The following AQP7 variants were observed in gnomAD, a reference collection of about 807,000 sequenced individuals.
AQP7 encodes the protein aquaporin-7.
AQP7 carries 22 observed loss-of-function variants against 26.1 expected under a neutral mutation model. That is an observed-to-expected ratio of 0.84 (90% confidence interval 0.60 to 1.20). The LOEUF (loss-of-function observed/expected upper bound fraction) is 1.20. Among genes scored for constraint, AQP7 ranks in the 50% most tolerant of loss-of-function variants. The pLI is 0.00. For synonymous variants in AQP7, 167 were observed against 181.7 expected, an observed-to-expected ratio of 0.92 and a Z score of 0.65; for missense variants, 412 against 457.5, an observed-to-expected ratio of 0.90 and a Z score of 0.91.
chr9:33,389,660 A>G (rs796592340), intron 3 of AQP7, among the ~76,000 whole-genome samples: 1 of 152,220 alleles, frequency 6.6e-6, no homozygotes, highest in African/African-American at 2.4e-5. Flanking sequence ...AGTTGATAAA[A>G]GAGAAAACCT....
At chr9:33,399,086 C>T (rs1392059044) in intron 2 of AQP7, among the ~76,000 whole-genome samples, 2 of 141,940 alleles carry the variant, frequency 1.4e-5, no homozygotes, top group South Asian at 2.4e-4. Flanking sequence ...GCAATCCTCC[C>T]GCCTCAGCCT....
chr9:33,397,441 G>A (rs1587145331), intron 2 of AQP7, among the ~76,000 whole-genome samples: 2 of 152,138 alleles, frequency 1.3e-5, no homozygotes, highest in East Asian at 1.9e-4. Context: ...ACCCCTATAC[G>A]ATGCTGCATG....
rs536416831 is a variant in AQP7 at position 33,387,011 on chromosome 9, A to G, written c.226T>C (p.Phe76Leu). 1 of 1,611,982 alleles carries G rather than the reference A, an allele frequency of 6.2e-7. No individual in the cohort carries two copies. The highest frequency in any genetic ancestry group is 1.7e-5 in the Admixed American group (1 of 60,016). Residue 76 changes from phenylalanine to leucine, a missense_variant, in exon 4 of 8, where the codon TTC becomes CTC. By Grantham distance (22) the Phe-to-Leu change is conservative (BLOSUM62 0). Transcript: ENST00000297988. ...ACGTGCACTCCCATGGTGACTCCGA[A>G]GCCAAAACCCAAGTTGACACCAAGG... ...SYLGVNLGFG[F>L]GVTMGVHVAG...
At chr9:33,394,930 C>A (rs1587134797) in intron 3 of AQP7, 148 bp downstream of exon 3, 15 of 703,082 alleles carry the variant, frequency 2.1e-5, no homozygotes, top group Non-Finnish European at 3.4e-5. Context: ...ATGAGAAAGC[C>A]CCCCCTCCTT....
Position 33,385,089 on chromosome 9 carries a change from G to C in AQP7, c.945C>G (p.Thr315=). The C allele has an allele frequency of 6.2e-7, 1 of 1,611,966 alleles. No individual in the cohort carries two copies. Reference sequence around the variant, plus strand: ...TGTTGGCAGGGCTCACAGAGACGGGGGTGAGGGGAGAGATCGTGGGTTCAT... The same window carrying C: ...TGTTGGCAGGGCTCACAGAGACGGGCGTGAGGGGAGAGATCGTGGGTTCAT... ...GSHEPTISPL[T]PVSVSPANRS... is the part of the protein sequence containing the mutation. Residue 315 remains threonine, a synonymous_variant, in exon 8 of 8, where the codon ACC becomes ACG. Coordinates refer to ENST00000297988, the MANE Select transcript of AQP7 (RefSeq NM_001170.3).
chr9:33,387,923 T>A (rs1411253770), intron 3 of AQP7, among the ~76,000 whole-genome samples: 1 of 152,180 alleles, frequency 6.6e-6, no homozygotes, highest in East Asian at 1.9e-4. Context: ...GCCTCCTCCC[T>A]GCTTCAGTCA....
intron 2 of AQP7, among the ~76,000 whole-genome samples, chr9:33,396,004 C>T (rs969913352): frequency 1.8e-4 from 27 of 152,084 alleles, no homozygotes; most frequent in African/African-American, 2.9e-4. Context: ...GGGCCTGGCA[C>T]TTGATTTATA....
At position 33,387,012 on chromosome 9, in the gene AQP7, G is replaced by C. The variant is rs1489792121; in HGVS notation, c.225C>G (p.Gly75=). Residue 75 remains glycine (G), a synonymous_variant, in exon 4 of 8, where the codon GGC becomes GGG. Coordinates refer to ENST00000297988, the MANE Select transcript of AQP7 (RefSeq NM_001170.3). ...CGTGCACTCCCATGGTGACTCCGAA[G>C]CCAAAACCCAAGTTGACACCAAGGT... The part of the protein sequence containing the change: ...GSYLGVNLGF[G]FGVTMGVHVA... The C allele has an allele frequency of 6.2e-7, 1 of 1,611,892 alleles. No homozygotes were observed. Among genetic ancestry groups the C allele is most frequent in the African/African-American group, 1.3e-5 (1 of 74,872 alleles).
At chr9:33,389,779 G>A (rs529032935) in intron 3 of AQP7, among the ~76,000 whole-genome samples, 3 of 152,202 alleles carry the variant, frequency 2.0e-5, no homozygotes, top group African/African-American at 7.2e-5. Flanking sequence ...GCTCATGCCT[G>A]TAATCCCAGC....
chr9:33,387,535 A>AACAC (rs368909443), intron 3 of AQP7, among the ~76,000 whole-genome samples: 2 of 150,276 alleles, frequency 1.3e-5, no homozygotes, highest in East Asian at 2.0e-4. Context: ...TCCCTGCACA[A>AACAC]ACACACACAC....
At position 33,401,096 on chromosome 9, in the gene AQP7, G is replaced by A. The variant is rs915658278; in HGVS notation, c.26+141C>T. On this transcript the variant is annotated intron_variant, in intron 2 of 7. Transcript: ENST00000297988. ...ATGCTCTTCTTCTGGGACCTCAGAG[G>A]CGAGTGGGTGGGTGGGGAGGAGGAG... The A allele has an allele frequency of 1.2e-5, 11 of 910,016 alleles. No individual in the cohort carries two copies. The African/African-American group carries it at 1.8e-4, about 15-fold the overall frequency. The allele number at this position is 910,016 out of a possible 1,614,324, so 56.4% of individuals were successfully genotyped here.
chr9:33,401,103 G>T (rs1407110499), intron 2 of AQP7, 134 bp downstream of exon 2: 4 of 963,732 alleles, frequency 4.2e-6, no homozygotes, highest in Non-Finnish European at 6.4e-6. Flanking sequence ...GAGGCGAGTG[G>T]GTGGGTGGGG....
chr9:33,386,372 G>T, intron 5 of AQP7, 32 bp downstream of exon 5: 1 of 1,609,678 alleles, frequency 6.2e-7, no homozygotes, highest in South Asian at 1.1e-5. Flanking sequence ...GGCGGCTGAG[G>T]CCAGAGGCGG....
intron 2 of AQP7, among the ~76,000 whole-genome samples, chr9:33,399,975 G>T (rs1392184785): frequency 6.6e-6 from 1 of 152,118 alleles, no homozygotes; most frequent in African/African-American, 2.4e-5. Flanking sequence ...CAACTGAGGA[G>T]AAGGGGACCC....
At chr9:33,398,299 G>A (rs1027506882) in intron 2 of AQP7, among the ~76,000 whole-genome samples, 2 of 151,576 alleles carry the variant, frequency 1.3e-5, no homozygotes, top group African/African-American at 2.4e-5. Context: ...AGGGGCCAGG[G>A]CCAGGTGGCA....
At chr9:33,389,872 A>G (rs1031358758) in intron 3 of AQP7, among the ~76,000 whole-genome samples, 4 of 152,082 alleles carry the variant, frequency 2.6e-5, no homozygotes, top group African/African-American at 9.7e-5. Flanking sequence ...TACTAATAAT[A>G]CAAAAATTAG....
rs1824584702 is a variant in AQP7, at chr9:33,384,807, C to G, written c.*198G>C. On this transcript the variant is annotated 3_prime_UTR_variant, in exon 8 of 8. Coordinates refer to ENST00000297988, the MANE Select transcript of AQP7 (RefSeq NM_001170.3). ...AGGTCATCTCTTCCCCATTCTCCCC[C>G]TGGGGCACCCCAGTTCCCAGGGCAT... 4.8e-6 allele frequency: 3 copies of G among 625,036 alleles called. No homozygotes were observed. The highest frequency in any genetic ancestry group is 5.5e-6 in the Non-Finnish European group (2 of 362,078). 38.7% of individuals were successfully genotyped at this position (625,036 alleles called of 1,614,324 possible).
At chr9:33,393,433 C>A (rs888588719) in intron 3 of AQP7, among the ~76,000 whole-genome samples, 1 of 152,190 alleles carries the variant, frequency 6.6e-6, no homozygotes, top group Non-Finnish European at 1.5e-5. Context: ...AGGCTAAGAA[C>A]CCCGGTGTTC....
chr9:33,400,201 G>A (rs1471195438), intron 2 of AQP7, among the ~76,000 whole-genome samples: 1 of 152,146 alleles, frequency 6.6e-6, no homozygotes, highest in African/African-American at 2.4e-5. Context: ...CCCTGCTTGC[G>A]TGGAGCTGAC....
Sources: allele counts gnomAD v4.1 joint callset (sites outside exome capture counted in the v4.1 genomes callset), GRCh38; gene constraint gnomAD v4.1.1; transcripts MANE v1.5; gene names NCBI Gene and HGNC (gene_info 2026-07-23, HGNC 2026-07-21).